Variants in TEKTL1 observed in about 807,000 individuals in gnomAD.
TEKTL1 encodes the protein tektin-like protein 1.
the TEKTL1 span, among the ~76,000 whole-genome samples, chr19:15,015,010 G>A: frequency 1.2e-4 from 18 of 152,220 alleles, 1 homozygote; most frequent in South Asian, 3.5e-3. Context: ...AACATAGCAA[G>A]CCCTCATCTA....
chr19:15,018,909 T>A, the TEKTL1 span, among the ~76,000 whole-genome samples: 1 of 151,344 alleles, frequency 6.6e-6, no homozygotes, highest in Admixed American at 6.6e-5. Context: ...TCCATGTGTT[T>A]ATCTGTAATG....
the TEKTL1 span, chr19:15,021,927 C>G: frequency 1.2e-6 from 2 of 1,609,088 alleles, no homozygotes; most frequent in South Asian, 2.2e-5. Context: ...CAGGTAAACC[C>G]CCTCCCCCGT....
At chr19:15,021,469 C>G in the TEKTL1 span, 16 of 1,614,040 alleles carry the variant, frequency 9.9e-6, no homozygotes, top group South Asian at 2.2e-5. Flanking sequence ...GATAAGCGAC[C>G]GTGTGTGTGC....
At chr19:15,019,951 G>A in the TEKTL1 span, among the ~76,000 whole-genome samples, 1 of 148,888 alleles carries the variant, frequency 6.7e-6, no homozygotes, top group African/African-American at 2.5e-5. Context: ...TGTGCAACAT[G>A]TGTCTCAAAA....
chr19:15,015,486 C>A, the TEKTL1 span, among the ~76,000 whole-genome samples: 1 of 152,154 alleles, frequency 6.6e-6, no homozygotes, highest in Non-Finnish European at 1.5e-5. Flanking sequence ...CAATGAAAAC[C>A]ACCAAAGGGA....
the TEKTL1 span, chr19:15,013,580 A>G: frequency 2.2e-6 from 2 of 889,866 alleles, no homozygotes; most frequent in Admixed American, 4.6e-5. Flanking sequence ...CTCAGAGTTT[A>G]TGAGGCTGGC....
the TEKTL1 span, among the ~76,000 whole-genome samples, chr19:15,018,741 G>A: frequency 1.7e-5 from 1 of 58,498 alleles, no homozygotes; most frequent in Non-Finnish European, 4.2e-5. Flanking sequence ...TAACTTCCCT[G>A]GATTACCTGA....
the TEKTL1 span, among the ~76,000 whole-genome samples, chr19:15,014,259 G>A: frequency 1.6e-4 from 25 of 152,288 alleles, no homozygotes; most frequent in Non-Finnish European, 3.1e-4. Flanking sequence ...CACAAATTAA[G>A]GGGGAAGAGC....
At chr19:15,014,336 T>C in the TEKTL1 span, among the ~76,000 whole-genome samples, 1 of 152,146 alleles carries the variant, frequency 6.6e-6, no homozygotes, top group Non-Finnish European at 1.5e-5. Context: ...TTTCGACTCA[T>C]CCTTTTGATA....
the TEKTL1 span, chr19:15,023,119 G>T: frequency 6.3e-7 from 1 of 1,591,658 alleles, no homozygotes; most frequent in Non-Finnish European, 8.5e-7. Context: ...CGGACCCCTA[G>T]TGACCCCAGC....
chr19:15,012,928 T>TCC, the TEKTL1 span, among the ~76,000 whole-genome samples: 48 of 150,468 alleles, frequency 3.2e-4, no homozygotes, highest in African/African-American at 7.1e-4. Context: ...CAGGTGAAAC[T>TCC]CCCCCCCAGA....
the TEKTL1 span, chr19:15,021,655 A>C: frequency 6.2e-7 from 1 of 1,613,996 alleles, no homozygotes; most frequent in East Asian, 2.2e-5. Context: ...GAGGGGAACT[A>C]TCCTCCGGTG....
At chr19:15,015,870 C>T in the TEKTL1 span, among the ~76,000 whole-genome samples, 6 of 152,072 alleles carry the variant, frequency 3.9e-5, no homozygotes, top group Admixed American at 3.9e-4. Context: ...AATAAAAAGC[C>T]CACCTCTCTT....
chr19:15,020,845 C>T, the TEKTL1 span, among the ~76,000 whole-genome samples: 1 of 151,816 alleles, frequency 6.6e-6, no homozygotes, highest in Non-Finnish European at 1.5e-5. Context: ...CTCCTGCCCA[C>T]ACTCGCTGAG....
chr19:15,016,647 G>A, the TEKTL1 span, among the ~76,000 whole-genome samples: 1 of 152,194 alleles, frequency 6.6e-6, no homozygotes, highest in Non-Finnish European at 1.5e-5. Context: ...AGAGAAAGAA[G>A]CTGGACATAA....
chr19:15,016,524 C>T, the TEKTL1 span, among the ~76,000 whole-genome samples: 1 of 152,196 alleles, frequency 6.6e-6, no homozygotes, highest in Non-Finnish European at 1.5e-5. Flanking sequence ...TCCCCACCAC[C>T]TGGCACATCG....
chr19:15,019,034 A>G, the TEKTL1 span, among the ~76,000 whole-genome samples: 4 of 151,888 alleles, frequency 2.6e-5, no homozygotes, highest in African/African-American at 4.8e-5. Flanking sequence ...CTGCAGCCTC[A>G]ACCTCCTGGG....
chr19:15,022,315 GTTA>G, the TEKTL1 span, among the ~76,000 whole-genome samples: 2 of 151,212 alleles, frequency 1.3e-5, no homozygotes, highest in African/African-American at 4.8e-5. Context: ...CTGCCCAGCT[GTTA>G]TTATTAACTA....
the TEKTL1 span, among the ~76,000 whole-genome samples, chr19:15,018,224 C>T: frequency 6.6e-6 from 1 of 152,062 alleles, no homozygotes; most frequent in African/African-American, 2.4e-5. Flanking sequence ...TGTGATGGCA[C>T]ATGCCTGTAA....
Sources: allele counts gnomAD v4.1 joint callset (sites outside exome capture counted in the v4.1 genomes callset), GRCh38; gene constraint gnomAD v4.1.1; transcripts MANE v1.5; gene names NCBI Gene and HGNC (gene_info 2026-07-23, HGNC 2026-07-21).